The following RFC2 variants were observed in gnomAD, a reference collection of about 807,000 sequenced individuals.
The protein encoded by RFC2 is A1 40 kDa subunit.
In RFC2, 34 loss-of-function variants were observed where a neutral mutation model predicts 44.8. The ratio of observed to expected loss-of-function variants is 0.76; its 90% CI spans 0.58 to 1.01. The LOEUF is 1.01. Ranked by LOEUF, RFC2 falls within the 50% of genes least tolerant of loss-of-function variation. RFC2 has a pLI of 0.00. For synonymous variants in RFC2, 177 were observed against 168.9 expected, an observed-to-expected ratio of 1.05 and a Z score of -0.37; for missense variants, 400 against 453.6, an observed-to-expected ratio of 0.88 and a Z score of 1.07.
At chr7:74,240,298 T>C (rs543754096) in intron 6 of RFC2, among the ~76,000 whole-genome samples, 3 of 152,144 alleles carry the variant, frequency 2.0e-5, no homozygotes, top group East Asian at 3.9e-4. Flanking sequence ...GGACAGGAGT[T>C]TGAGACCAGC....
chr7:74,248,468 A>G (rs1387039320), intron 4 of RFC2, among the ~76,000 whole-genome samples: 1 of 152,034 alleles, frequency 6.6e-6, no homozygotes, highest in African/African-American at 2.4e-5. Context: ...CATCTCTACA[A>G]AAATTTTTAA....
rs533245731 is a variant in RFC2 at position 74,235,643 on chromosome 7, A to T, written c.843T>A (p.Ile281=). Residue 281 remains isoleucine (I), a splice_region_variant and synonymous_variant, in exon 10 of 11, where the codon ATT becomes ATA. Coordinates refer to ENST00000055077, the MANE Select transcript of RFC2 (RefSeq NM_181471.3). ...AGCCCAGATGCCACAAGTGAGCAAG[A>T]ATCTAGACAAAGGAGACAGAAAAGG... The part of the protein sequence containing the change: ...VNANIDEAYK[I]LAHLWHLGYS... 1 of 1,598,920 alleles carries T rather than the reference A, an allele frequency of 6.3e-7. No homozygotes were observed. Among genetic ancestry groups the T allele is most frequent in the South Asian group, 1.1e-5 (1 of 90,802 alleles).
chr7:74,233,979 T>G, intron 10 of RFC2: 1 of 450,362 alleles, frequency 2.2e-6, no homozygotes, highest in South Asian at 1.6e-5. Flanking sequence ...AACTTAACAT[T>G]TGCATTCACA....
At chr7:74,252,805 T>G (rs919287070) in intron 1 of RFC2, among the ~76,000 whole-genome samples, 27 of 151,904 alleles carry the variant, frequency 1.8e-4, no homozygotes, top group Non-Finnish European at 7.4e-5. Context: ...TGTGGTGGTG[T>G]GCGTCTGTAA....
chr7:74,236,057 CTAGG>C lies in RFC2; in HGVS notation c.841-416_841-413del, dbSNP rs148970455. Among the ~76,000 whole-genome samples, 973 of 152,266 alleles carry C rather than the reference CTAGG, an allele frequency of 6.4e-3. 9 individuals are homozygous for C. Among genetic ancestry groups the C allele is most frequent in the African/African-American group, 0.022 (921 of 41,544 alleles). On this transcript the variant is annotated intron_variant, in intron 9 of 10. Coordinates refer to ENST00000055077, the MANE Select transcript of RFC2 (RefSeq NM_181471.3). ...TTAAAATGCTTTATTAATCTGATGA[CTAGG>C]TATAGCAAAGTGGAAAAAGCAGACC...
Position 74,249,788 on chromosome 7 carries a change from G to A in RFC2, c.184-8C>T, listed in dbSNP as rs1003862450. On this transcript the variant is annotated splice_region_variant and splice_polypyrimidine_tract_variant and intron_variant, in intron 2 of 10. Transcript: ENST00000055077. Reference sequence around the variant, plus strand: ...TCCTTCCCTTGCAAAGACCTACGGCGAAAATGATCATTAAAACCGGTTAAA... The same window carrying A: ...TCCTTCCCTTGCAAAGACCTACGGCAAAAATGATCATTAAAACCGGTTAAA... The A allele has an allele frequency of 1.1e-5, 18 of 1,612,040 alleles. No individual in the cohort carries two copies. The highest frequency in any genetic ancestry group is 8.3e-5 in the Admixed American group (5 of 59,948).
chr7:74,246,838 C>A, intron 4 of RFC2, 75 bp from the exon 5 acceptor site: 1 of 996,226 alleles, frequency 1.0e-6, no homozygotes, highest in South Asian at 1.4e-5. Flanking sequence ...TTTAAACAAT[C>A]GGTATATCAG....
intron 10 of RFC2, 44 bp from the exon 11 acceptor site, chr7:74,232,260 G>T: frequency 9.7e-7 from 1 of 1,029,904 alleles, no homozygotes; most frequent in Non-Finnish European, 1.5e-6. Context: ...AAGTGGGGGA[G>T]TTCTTTTTTA....
At chr7:74,242,124 G>A (rs887032324) in intron 6 of RFC2, among the ~76,000 whole-genome samples, 1 of 152,174 alleles carries the variant, frequency 6.6e-6, no homozygotes, top group African/African-American at 2.4e-5. Flanking sequence ...CAGGATTTGA[G>A]AGAGGAGCTT....
At chr7:74,239,265 T>A (rs1213008750) in intron 7 of RFC2, among the ~76,000 whole-genome samples, 1 of 148,748 alleles carries the variant, frequency 6.7e-6, no homozygotes, top group Admixed American at 6.8e-5. Flanking sequence ...AATCTCCGTA[T>A]CCCAGGTTCA....
intron 5 of RFC2, among the ~76,000 whole-genome samples, chr7:74,245,115 C>T (rs991618390): frequency 6.6e-6 from 1 of 150,654 alleles, no homozygotes. Flanking sequence ...CCACAACCTT[C>T]GCCTCCGGGG....
chr7:74,233,494 CAT>C (rs1214545235), intron 10 of RFC2, among the ~76,000 whole-genome samples: 2 of 151,090 alleles, frequency 1.3e-5, no homozygotes, highest in East Asian at 3.9e-4. Context: ...CAAACGAGCA[CAT>C]GATTAAATGT....
chr7:74,254,370 G>A lies in RFC2; in HGVS notation c.14C>T (p.Ala5Val), dbSNP rs1554721623. 6.9e-6 allele frequency: 11 copies of A among 1,603,768 alleles called. No homozygotes were observed. Among genetic ancestry groups the A allele is most frequent in the African/African-American group, 2.7e-5 (2 of 74,420 alleles). MEVE[A>V]VCGGAGEVEA... Reference sequence around the variant, plus strand: ...CACCTCGCCCGCGCCACCACAGACGGCCTCCACCTCCATTCTCGCGCCTCC... The same window carrying A: ...CACCTCGCCCGCGCCACCACAGACGACCTCCACCTCCATTCTCGCGCCTCC... Residue 5 changes from alanine to valine, a missense_variant, in exon 1 of 11, where the codon GCC becomes GTC. Coordinates refer to ENST00000055077, the MANE Select transcript of RFC2 (RefSeq NM_181471.3).
chr7:74,249,548 AAAAT>A, intron 3 of RFC2, among the ~76,000 whole-genome samples, 187 bp downstream of exon 3: 1 of 152,040 alleles, frequency 6.6e-6, no homozygotes, highest in Non-Finnish European at 1.5e-5. Context: ...TTCAGAAAAA[AAAAT>A]AAATAAATAA....
rs1554721582 is a variant in RFC2 at position 74,254,314 on chromosome 7, A to G, written c.70T>C (p.Phe24Leu). ...CCGGCGCTGCCGGGGGCCTTGCTGA[A>G]GGCAGGGGCAGGGTCAGAGTCCTGG... ...EAQDSDPAPA[F>L]SKAPGSAGHY... is the part of the protein sequence containing the mutation. The change falls in exon 1 of 11, where the codon TTC becomes CTC. Residue 24 changes from phenylalanine to leucine, a missense_variant. Phe to Leu is a conservative substitution (Grantham distance 22). Coordinates refer to ENST00000055077, the MANE Select transcript of RFC2 (RefSeq NM_181471.3). 5.0e-6 allele frequency: 8 copies of G among 1,612,774 alleles called. No individual in the cohort carries two copies. Among genetic ancestry groups the G allele is most frequent in the Non-Finnish European group, 6.8e-6 (8 of 1,179,686 alleles).
chr7:74,252,484 C>G lies in RFC2; in HGVS notation c.128G>C (p.Arg43Thr). Reference protein sequence around the residue: ...HYELPWVEKYRPVKLNEIVGN... With the variant: ...HYELPWVEKYTPVKLNEIVGN... ...GACAATTTCATTCAGCTTTACTGGC[C>G]TATATTTTTCAACCCTGTTAAGAAA... is the stretch of plus-strand genomic sequence containing the variant. Residue 43 changes from arginine (R) to threonine (T), a missense_variant, in exon 2 of 11, where the codon AGG becomes ACG. Transcript: ENST00000055077. 6.2e-7 allele frequency: 1 copy of G among 1,602,054 alleles called. No homozygotes were observed. Among genetic ancestry groups the G allele is most frequent in the South Asian group, 1.1e-5 (1 of 90,858 alleles).
Position 74,232,052 on chromosome 7 carries a change from G to A in RFC2, c.*54C>T, listed in dbSNP as rs547916230. ...GCATTTTCCCCCATCAGAAAGCCGC[G>A]GCTCCTGTACCTCAGAATAGGGCAC... On this transcript the variant is annotated 3_prime_UTR_variant, in exon 11 of 11. Transcript: ENST00000055077. 8.7e-5 allele frequency: 92 copies of A among 1,062,900 alleles called. 1 individual carries two copies. The highest frequency in any genetic ancestry group is 5.8e-4 in the South Asian group (45 of 76,976). 65.8% of individuals were successfully genotyped at this position (1,062,900 alleles called of 1,614,324 possible).
chr7:74,253,706 G>A (rs1442152280), intron 1 of RFC2: 1 of 155,194 alleles, frequency 6.4e-6, no homozygotes, highest in African/African-American at 2.4e-5. Context: ...GTGTGACAAA[G>A]TGTGACTCCA....
At chr7:74,232,261 T>C (rs1008498819) in intron 10 of RFC2, 45 bp from the exon 11 acceptor site, 1 of 1,023,852 alleles carries the variant, frequency 9.8e-7, no homozygotes, top group Non-Finnish European at 1.5e-6. Context: ...AGTGGGGGAG[T>C]TCTTTTTTAA....
Sources: allele counts gnomAD v4.1 joint callset (sites outside exome capture counted in the v4.1 genomes callset), GRCh38; gene constraint gnomAD v4.1.1; transcripts MANE v1.5; gene names NCBI Gene and HGNC (gene_info 2026-07-23, HGNC 2026-07-21).